Variants in CPA6 observed in about 807,000 individuals in gnomAD.
The protein encoded by CPA6 is carboxypeptidase A6.
In CPA6, 58 loss-of-function variants were observed where a neutral mutation model predicts 63.3. That is an observed-to-expected ratio of 0.92 (90% confidence interval 0.74 to 1.14). The LOEUF (loss-of-function observed/expected upper bound fraction) is 1.14, where lower values mean the gene tolerates loss of function less well. Among genes scored for constraint, CPA6 ranks in the 50% most tolerant of loss-of-function variants. The pLI, the probability that CPA6 is intolerant of heterozygous loss-of-function variation, is 0.00. For missense variants in CPA6, 565 were observed against 526.6 expected (o/e 1.07, Z -0.71); for synonymous variants, 185 against 179.0 (o/e 1.03, Z -0.27).
At chr8:67,541,266 G>A (rs1482799225) in intron 2 of CPA6, among the ~76,000 whole-genome samples, 1 of 152,118 alleles carries the variant, frequency 6.6e-6, no homozygotes, top group Non-Finnish European at 1.5e-5. Context: ...TCACGGCACA[G>A]TCCCTCATGG....
chr8:67,689,154 C>T (rs934120532), intron 1 of CPA6, among the ~76,000 whole-genome samples: 1 of 152,062 alleles, frequency 6.6e-6, no homozygotes. Flanking sequence ...CCACAAATGA[C>T]TCAATGTACT....
In CPA6 at chr8:67,687,864, C is replaced by T. The variant is rs182559805; in HGVS notation, c.116+58150G>A. On this transcript the variant is annotated intron_variant, in intron 1 of 10. Coordinates refer to ENST00000297770, the MANE Select transcript of CPA6 (RefSeq NM_020361.5). ...TTAAGGAACAATGTAAACTAAAGCA[C>T]GATTCAAATGCAAGGTTTTGTAAGA... 5.3e-4 allele frequency among the ~76,000 whole-genome samples: 81 copies of T among 152,178 alleles called. 1 individual carries two copies. Among genetic ancestry groups the T allele is most frequent in the Non-Finnish European group, 1.0e-3 (71 of 68,014 alleles).
intron 1 of CPA6, among the ~76,000 whole-genome samples, chr8:67,695,420 A>C (rs1052201508): frequency 6.6e-6 from 1 of 152,216 alleles, no homozygotes; most frequent in Non-Finnish European, 1.5e-5. Flanking sequence ...GACCTCTTAC[A>C]TCATGGAAGG....
At chr8:67,566,926 G>T (rs543141938) in intron 2 of CPA6, among the ~76,000 whole-genome samples, 22 of 152,320 alleles carry the variant, frequency 1.4e-4, no homozygotes, top group African/African-American at 4.8e-4. Flanking sequence ...CCATTGTTTG[G>T]AGTGAAAGGT....
At chr8:67,570,835 G>A (rs536040455) in intron 2 of CPA6, among the ~76,000 whole-genome samples, 3 of 152,170 alleles carry the variant, frequency 2.0e-5, no homozygotes, top group South Asian at 4.1e-4. Context: ...GTATTTGTAG[G>A]TTCTTACCTA....
chr8:67,487,371 AG>A (rs1316632130), intron 6 of CPA6, among the ~76,000 whole-genome samples: 1 of 152,180 alleles, frequency 6.6e-6, no homozygotes, highest in Non-Finnish European at 1.5e-5. Context: ...GTCCCTGCAA[AG>A]GACATGAACT....
chr8:67,455,911 TG>T (rs1472109290), intron 8 of CPA6, among the ~76,000 whole-genome samples: 1 of 151,934 alleles, frequency 6.6e-6, no homozygotes, highest in East Asian at 1.9e-4. Flanking sequence ...GATGGGGTCT[TG>T]CCATATTATC....
intron 8 of CPA6, among the ~76,000 whole-genome samples, chr8:67,457,961 G>A (rs908396538): frequency 6.6e-6 from 1 of 152,080 alleles, no homozygotes; most frequent in Non-Finnish European, 1.5e-5. Flanking sequence ...ATGCTGGGAC[G>A]GGTCAGCTCA....
chr8:67,722,243 A>T (rs1048065462), intron 1 of CPA6, among the ~76,000 whole-genome samples: 17 of 152,132 alleles, frequency 1.1e-4, no homozygotes, highest in Non-Finnish European at 1.5e-4. Flanking sequence ...GCTTGACTTC[A>T]TTTACTAGAT....
intron 1 of CPA6, among the ~76,000 whole-genome samples, chr8:67,636,588 A>G (rs1815473774): frequency 6.6e-6 from 1 of 151,490 alleles, no homozygotes; most frequent in African/African-American, 2.5e-5. Context: ...TTTTGATGGC[A>G]GCTTAAAAAA....
intron 1 of CPA6, among the ~76,000 whole-genome samples, chr8:67,685,111 C>G (rs186683025): frequency 6.6e-6 from 1 of 152,284 alleles, no homozygotes; most frequent in Non-Finnish European, 1.5e-5. Flanking sequence ...CATCCTACAA[C>G]AAGTATCATC....
intron 1 of CPA6, among the ~76,000 whole-genome samples, chr8:67,717,338 G>C (rs146242812): frequency 1.1e-4 from 17 of 152,320 alleles, no homozygotes; most frequent in African/African-American, 3.8e-4. Flanking sequence ...ATCAAGAGTG[G>C]AGGTACCCAA....
intron 2 of CPA6, among the ~76,000 whole-genome samples, chr8:67,570,475 C>A (rs944917618): frequency 1.3e-5 from 2 of 151,990 alleles, no homozygotes; most frequent in African/African-American, 4.8e-5. Flanking sequence ...GGTTAAAGGG[C>A]AAAATTGTTA....
At chr8:67,616,810 T>C (rs1003968570) in intron 2 of CPA6, among the ~76,000 whole-genome samples, 5 of 152,068 alleles carry the variant, frequency 3.3e-5, no homozygotes, top group African/African-American at 1.2e-4. Flanking sequence ...AATAAGCCTA[T>C]CCTAGACAAC....
chr8:67,459,862 A>G (rs1405572505), intron 8 of CPA6, among the ~76,000 whole-genome samples: 1 of 152,154 alleles, frequency 6.6e-6, no homozygotes, highest in African/African-American at 2.4e-5. Flanking sequence ...ATAGGTTTTT[A>G]TCCATTGTAA....
chr8:67,592,019 G>A (rs1814141195), intron 2 of CPA6, among the ~76,000 whole-genome samples: 1 of 152,116 alleles, frequency 6.6e-6, no homozygotes, highest in Non-Finnish European at 1.5e-5. Context: ...TATTGGCTGT[G>A]GGTTTGTCAT....
intron 2 of CPA6, among the ~76,000 whole-genome samples, chr8:67,528,085 C>T (rs1371791637): frequency 6.6e-6 from 1 of 152,154 alleles, no homozygotes; most frequent in Non-Finnish European, 1.5e-5. Flanking sequence ...GAATTTCAGC[C>T]ATTGAGCTAA....
At chr8:67,578,045 G>T (rs1454348877) in intron 2 of CPA6, among the ~76,000 whole-genome samples, 1 of 152,046 alleles carries the variant, frequency 6.6e-6, no homozygotes, top group East Asian at 1.9e-4. Flanking sequence ...ATTTTCATGT[G>T]TCACAAAATA....
chr8:67,642,791 T>TCACACACACA (rs1491449674), intron 1 of CPA6, among the ~76,000 whole-genome samples: 1,016 of 89,410 alleles, frequency 0.011, 13 homozygotes, highest in African/African-American at 0.048. Flanking sequence ...TGGGCCTTTA[T>TCACACACACA]CTCACACACA....
Sources: gnomAD v4.1 joint callset for allele counts (sites outside exome capture counted in the v4.1 genomes callset) on GRCh38, gnomAD v4.1.1 for gene constraint, MANE v1.5 for transcripts, NCBI Gene and HGNC (gene_info 2026-07-23, HGNC 2026-07-21) for gene names.